Variants in CKAP2 observed in about 807,000 individuals in gnomAD.
CKAP2 encodes the protein cytoskeleton-associated protein 2.
CKAP2 carries 46 observed loss-of-function variants against 58.4 expected under a neutral mutation model. That is an observed-to-expected ratio of 0.79 (90% confidence interval 0.62 to 1.01). The LOEUF (loss-of-function observed/expected upper bound fraction) is 1.01. Ranked by LOEUF, CKAP2 falls within the 50% of genes least tolerant of loss-of-function variation. The probability of loss-of-function intolerance (pLI) is 0.00; values close to 1 mark genes in which losing one functional copy is unlikely to be tolerated. For missense variants in CKAP2, 809 were observed against 796.4 expected, an observed-to-expected ratio of 1.02 and a Z score of -0.19; for synonymous variants, 293 against 280.9, an observed-to-expected ratio of 1.04 and a Z score of -0.43.
In CKAP2 at chr13:52,468,278, C is replaced by T; in HGVS notation, c.1477C>T (p.Pro493Ser). ...YEKAILAGAQPIEEMRHTIVD... is the reference protein window; with the variant it reads ...YEKAILAGAQSIEEMRHTIVD... ...TGCTTTCTTCATTAAAAAAATTAAGCCTATTGAAGAGATGCGACACACGAT... is the reference window on the plus strand; with the variant it reads ...TGCTTTCTTCATTAAAAAAATTAAGTCTATTGAAGAGATGCGACACACGAT... The change falls in exon 7 of 9, where the codon CCT becomes TCT. Residue 493 changes from proline (P) to serine (S), a missense_variant and splice_region_variant. Transcript: ENST00000258607. 2 of 1,567,250 alleles carry T rather than the reference C, an allele frequency of 1.3e-6. No individual in the cohort carries two copies. Among genetic ancestry groups the T allele is most frequent in the Non-Finnish European group, 1.7e-6 (2 of 1,153,590 alleles).
chr13:52,462,095 T>C (rs1025146229), intron 4 of CKAP2, among the ~76,000 whole-genome samples, 169 bp downstream of exon 4: 4 of 152,226 alleles, frequency 2.6e-5, no homozygotes, highest in African/African-American at 9.7e-5. Context: ...TTTTTGTGTT[T>C]GAGTATGTTT....
chr13:52,458,947 C>G (rs764165012), intron 2 of CKAP2, among the ~76,000 whole-genome samples: 20 of 152,104 alleles, frequency 1.3e-4, no homozygotes, highest in Non-Finnish European at 2.5e-4. Flanking sequence ...TGTGTTGCAG[C>G]TTTTCAGAAT....
At chr13:52,474,844 G>A (rs1220894183) in intron 8 of CKAP2, 51 bp from the exon 9 acceptor site, 1 of 1,558,972 alleles carries the variant, frequency 6.4e-7, no homozygotes. Flanking sequence ...AAAGTACAGA[G>A]TAAAAATGTT....
intron 7 of CKAP2, among the ~76,000 whole-genome samples, chr13:52,473,122 C>CT (rs1426887724): frequency 6.6e-6 from 1 of 151,990 alleles, no homozygotes; most frequent in Non-Finnish European, 1.5e-5. Flanking sequence ...CTCTTCCTAA[C>CT]TTACTTAGGC....
At chr13:52,464,149 A>G (rs1594137978) in intron 5 of CKAP2, among the ~76,000 whole-genome samples, 1 of 152,290 alleles carries the variant, frequency 6.6e-6, no homozygotes. Flanking sequence ...CATTATATTT[A>G]CACATTATTT....
chr13:52,470,225 C>T (rs1468200018), intron 7 of CKAP2, among the ~76,000 whole-genome samples: 1 of 151,982 alleles, frequency 6.6e-6, no homozygotes, highest in Non-Finnish European at 1.5e-5. Flanking sequence ...CCCGCCTCAG[C>T]CTCCTGAGTA....
At chr13:52,460,352 TG>T (rs1287748830) in intron 2 of CKAP2, among the ~76,000 whole-genome samples, 1 of 152,210 alleles carries the variant, frequency 6.6e-6, no homozygotes. Context: ...GACTTGAGAA[TG>T]ATTTGAAATA....
In CKAP2 at chr13:52,475,480, A is replaced by G. The variant is rs1958816017; in HGVS notation, c.*339A>G. The G allele has an allele frequency of 5.5e-6, 1 of 181,486 alleles. No individual in the cohort carries two copies. The highest frequency in any genetic ancestry group is 6.1e-5 in the Admixed American group (1 of 16,506). 11.2% of individuals were successfully genotyped at this position (181,486 alleles called of 1,614,324 possible). A position where few individuals can be genotyped will look rare whatever the true frequency, so the allele number is the denominator to read the frequency against. ...AGTACAGTAATGATGCATAATTAGA[A>G]AATGAGGTATTCTAGGTAAAATGTA... On this transcript the variant is annotated 3_prime_UTR_variant, in exon 9 of 9. Coordinates refer to ENST00000258607, the MANE Select transcript of CKAP2 (RefSeq NM_018204.5).
At chr13:52,467,578 G>T (rs114848957) in intron 6 of CKAP2, among the ~76,000 whole-genome samples, 2,482 of 152,088 alleles carry the variant, frequency 0.016, 70 homozygotes, top group African/African-American at 0.056. Context: ...GCATGGTGGT[G>T]CCCACCCGTA....
chr13:52,462,823 C>A (rs895458053), intron 5 of CKAP2, among the ~76,000 whole-genome samples: 1 of 152,082 alleles, frequency 6.6e-6, no homozygotes, highest in African/African-American at 2.4e-5. Flanking sequence ...GTTGAGTATC[C>A]CTTATCCAAA....
chr13:52,468,001 G>A (rs912312156), intron 6 of CKAP2, among the ~76,000 whole-genome samples: 4 of 152,094 alleles, frequency 2.6e-5, no homozygotes, highest in South Asian at 4.1e-4. Context: ...TAGTAGAGAC[G>A]GGGTTTCACC....
intron 5 of CKAP2, among the ~76,000 whole-genome samples, chr13:52,464,379 T>C (rs577504194): frequency 6.6e-6 from 1 of 151,964 alleles, no homozygotes; most frequent in Admixed American, 6.5e-5. Flanking sequence ...ATGGTAAAAC[T>C]CTGTCTCTAC....
rs1801343107 is a variant in CKAP2, at chr13:52,475,039, T to TC, written c.1947_1948insC (p.Ser650LeufsTer13). On this transcript the variant is annotated frameshift_variant, in exon 9 of 9. Coordinates refer to ENST00000258607, the MANE Select transcript of CKAP2 (RefSeq NM_018204.5). LOFTEE classifies it low-confidence loss of function (END_TRUNC). Reference sequence around the variant, plus strand: ...TAAAAGATCATTATCCTTGTGTGTCTTCATTGGAACAGCTAACGGAGTTGG... The same window carrying TC: ...TAAAAGATCATTATCCTTGTGTGTCTCTCATTGGAACAGCTAACGGAGTTGG... 2 of 1,614,118 alleles carry TC rather than the reference T, an allele frequency of 1.2e-6. No homozygotes were observed. The highest frequency in any genetic ancestry group is 1.7e-6 in the Non-Finnish European group (2 of 1,180,052).
At chr13:52,456,952 G>C (rs565057774) in intron 2 of CKAP2, among the ~76,000 whole-genome samples, 1 of 151,808 alleles carries the variant, frequency 6.6e-6, no homozygotes, top group Non-Finnish European at 1.5e-5. Context: ...GAGTGCAGTA[G>C]CGTGATCTTG....
At chr13:52,468,170 TCTTA>T (rs1958708669) in intron 6 of CKAP2, 104 bp from the exon 7 acceptor site, 2 of 651,262 alleles carry the variant, frequency 3.1e-6, no homozygotes, top group African/African-American at 1.9e-5. Flanking sequence ...TAAGAGCCAC[TCTTA>T]CTTTAAAATA....
Position 52,461,675 on chromosome 13 carries a change from GC to G in CKAP2, c.851del (p.Pro284LeufsTer24), listed in dbSNP as rs775523590. 9 of 1,614,064 alleles carry G rather than the reference GC, an allele frequency of 5.6e-6. No individual in the cohort carries two copies. Among genetic ancestry groups the G allele is most frequent in the Non-Finnish European group, 7.6e-6 (9 of 1,180,014 alleles). ...CTGCCAATGTTACAATCCGGAAAGG[GC>G]CTCATGAAAAAGAACTATTACAATC... The part of the protein sequence containing the change: ...TSANVTIRKG[P>X]HEKELLQSKT... On this transcript the variant is annotated frameshift_variant, in exon 4 of 9. Transcript: ENST00000258607. LOFTEE classifies it high-confidence loss of function.
rs1958491053 is a variant in CKAP2 at position 52,456,822 on chromosome 13, A to G, written c.155+215A>G. On this transcript the variant is annotated intron_variant, in intron 2 of 8. Coordinates refer to ENST00000258607, the MANE Select transcript of CKAP2 (RefSeq NM_018204.5). ...GGACATTTCCATTTGGTCTATCCACATTTCAAGCACTCAGTAGCCACATTG... is the reference window on the plus strand; with the variant it reads ...GGACATTTCCATTTGGTCTATCCACGTTTCAAGCACTCAGTAGCCACATTG... 2.6e-5 allele frequency among the ~76,000 whole-genome samples: 4 copies of G among 152,098 alleles called. No homozygotes were observed. In the South Asian group the frequency reaches 8.3e-4, roughly 31 times the overall value.
chr13:52,459,366 A>G (rs1047771771), intron 2 of CKAP2, among the ~76,000 whole-genome samples: 2 of 152,106 alleles, frequency 1.3e-5, no homozygotes, highest in Non-Finnish European at 2.9e-5. Flanking sequence ...TCTGTCGCCT[A>G]GGCTATAGTG....
At position 52,473,966 on chromosome 13, in the gene CKAP2, G is replaced by A. The variant is rs1380348853; in HGVS notation, c.1684G>A (p.Glu562Lys). The change falls in exon 8 of 9, where the codon GAA (glutamate) becomes AAA (lysine). Residue 562 changes from glutamate (E) to lysine (K), a missense_variant. This residue lies in a region of CKAP2 where 283 missense variants were observed against 287.6 expected (regional missense o/e 0.98). Transcript: ENST00000258607. Reference protein sequence around the residue: ...LHRNLLFQDCEKEQDNKTKDP... With the variant: ...LHRNLLFQDCKKEQDNKTKDP... ...TAGAAATTTGCTATTTCAAGATTGT[G>A]AAAAAGAGCAAGACAACAAAACAAA... 6.2e-7 allele frequency: 1 copy of A among 1,614,040 alleles called. No individual in the cohort carries two copies. Among genetic ancestry groups the A allele is most frequent in the African/African-American group, 1.3e-5 (1 of 75,038 alleles).
Sources: allele counts gnomAD v4.1 joint callset (sites outside exome capture counted in the v4.1 genomes callset), GRCh38; gene constraint gnomAD v4.1.1; regional missense constraint gnomAD v4.1.1; transcripts MANE v1.5; gene names NCBI Gene and HGNC (gene_info 2026-07-23, HGNC 2026-07-21).